Variants in ARIH1 observed in about 807,000 individuals in gnomAD.
ARIH1 encodes the protein E3 ubiquitin-protein ligase ARIH1.
A neutral mutation model predicts 85.0 loss-of-function variants in ARIH1; 8 were observed. The ratio of observed to expected loss-of-function variants is 0.09; its 90% CI spans 0.06 to 0.17. The LOEUF is 0.17. Ranked by LOEUF, ARIH1 falls within the 10% of genes least tolerant of loss-of-function variation. ARIH1 has a pLI of 1.00. For synonymous variants in ARIH1, 238 were observed against 253.6 expected (o/e 0.94, Z 0.59); for missense variants, 311 against 718.1 (o/e 0.43, Z 6.48).
intron 3 of ARIH1, among the ~76,000 whole-genome samples, chr15:72,552,720 TAGC>T (rs1422823955): frequency 6.6e-6 from 1 of 151,612 alleles, no homozygotes. Flanking sequence ...AAACTGGAAA[TAGC>T]AGTTGCTTCT....
At chr15:72,568,879 A>G (rs2064232001) in intron 9 of ARIH1, among the ~76,000 whole-genome samples, 1 of 152,204 alleles carries the variant, frequency 6.6e-6, no homozygotes, top group Non-Finnish European at 1.5e-5. Flanking sequence ...TCAATTTCAC[A>G]AAGAAGGCCA....
chr15:72,524,498 C>A (rs912713445), intron 2 of ARIH1, among the ~76,000 whole-genome samples: 4 of 152,168 alleles, frequency 2.6e-5, no homozygotes, highest in Non-Finnish European at 5.9e-5. Context: ...GCCACTGCGC[C>A]AGCCCAAGCT....
intron 2 of ARIH1, among the ~76,000 whole-genome samples, chr15:72,541,735 G>C (rs2064108346): frequency 6.6e-6 from 1 of 152,160 alleles, no homozygotes; most frequent in Non-Finnish European, 1.5e-5. Flanking sequence ...AGATCAGTGG[G>C]GAGAGTTAGA....
At position 72,591,358 on chromosome 15, in the gene ARIH1, A is replaced by G. The variant is rs1238837170; in HGVS notation, c.*8066A>G. Reference sequence around the variant, plus strand: ...TTTGGATTTCCTTCTGATAGCTAAAATTTGTTTCTGTATAACAGAGTAGTG... The same window carrying G: ...TTTGGATTTCCTTCTGATAGCTAAAGTTTGTTTCTGTATAACAGAGTAGTG... On this transcript the variant is annotated 3_prime_UTR_variant, in exon 14 of 14. Transcript: ENST00000379887. 2 of 152,070 alleles carry G rather than the reference A, an allele frequency of 1.3e-5. No homozygotes were observed. The highest frequency in any genetic ancestry group is 4.8e-5 in the African/African-American group (2 of 41,388). 9.4% of individuals were successfully genotyped at this position (152,070 alleles called of 1,614,324 possible). A position where few individuals can be genotyped will look rare whatever the true frequency, so the allele number is the denominator to read the frequency against.
chr15:72,506,358 A>AAAAAAAAAAAAG (rs1288918971), intron 1 of ARIH1, among the ~76,000 whole-genome samples: 24 of 148,604 alleles, frequency 1.6e-4, no homozygotes, highest in Non-Finnish European at 2.2e-4. Flanking sequence ...TCACAAAAAA[A>AAAAAAAAAAAAG]AAAAAAAGAA....
intron 3 of ARIH1, among the ~76,000 whole-genome samples, chr15:72,554,194 T>C (rs2064165031): frequency 6.6e-6 from 1 of 152,234 alleles, no homozygotes; most frequent in South Asian, 2.1e-4. Flanking sequence ...TACAAGTTTT[T>C]GTATGGATGT....
chr15:72,528,705 A>G (rs938676611), intron 2 of ARIH1, among the ~76,000 whole-genome samples: 2 of 152,210 alleles, frequency 1.3e-5, no homozygotes, highest in Non-Finnish European at 2.9e-5. Flanking sequence ...AAAATAAAAA[A>G]TTAGCTAGGT....
rs554200284 is a variant in ARIH1 at position 72,474,612 on chromosome 15, C to G, written c.-28C>G. On this transcript the variant is annotated 5_prime_UTR_variant, in exon 1 of 14. Transcript: ENST00000379887. ...CCCGCCCTCTCCCCGCCTCGGCCAG[C>G]GTCCGCCGGGCCCCCGCGCGTCGCG... is the stretch of plus-strand genomic sequence containing the variant. 6.7e-7 allele frequency: 1 copy of G among 1,499,912 alleles called. No homozygotes were observed. Among genetic ancestry groups the G allele is most frequent in the African/African-American group, 1.5e-5 (1 of 68,874 alleles). The allele number at this position is 1,499,912 out of a possible 1,614,324, so 92.9% of individuals were successfully genotyped here.
intron 2 of ARIH1, among the ~76,000 whole-genome samples, chr15:72,538,132 G>A (rs2064091005): frequency 6.6e-6 from 1 of 152,192 alleles, no homozygotes; most frequent in African/African-American, 2.4e-5. Flanking sequence ...GGGAGGCTGA[G>A]GTGGGCAGAT....
chr15:72,582,292 C>G lies in ARIH1; in HGVS notation c.1589+105C>G, dbSNP rs1031810469. The stretch of plus-strand genomic sequence containing the variant: ...GGGTTTAGCATATCCAGCAACTGAG[C>G]TTTTGCCATGTTTCTCACAGATTGC... On this transcript the variant is annotated intron_variant, in intron 13 of 13. Transcript: ENST00000379887. The surrounding 1 kb of genome is among the most constrained non-coding windows in gnomAD (Gnocchi z 4.6). 3.0e-5 allele frequency: 22 copies of G among 722,748 alleles called. No homozygotes were observed. The African/African-American group carries it at 3.2e-4, about 11-fold the overall frequency. 44.8% of individuals were successfully genotyped at this position (722,748 alleles called of 1,614,324 possible).
chr15:72,541,045 C>T (rs2064104927), intron 2 of ARIH1, among the ~76,000 whole-genome samples: 1 of 152,094 alleles, frequency 6.6e-6, no homozygotes, highest in African/African-American at 2.4e-5. Context: ...GGGGCCAACG[C>T]TAGTATGGAG....
intron 1 of ARIH1, among the ~76,000 whole-genome samples, chr15:72,507,733 A>G (rs573918397): frequency 2.6e-5 from 4 of 152,242 alleles, no homozygotes; most frequent in Non-Finnish European, 4.4e-5. Flanking sequence ...ATTGAGAACT[A>G]CTTGATCAAA....
At chr15:72,560,171 G>C (rs1009816054) in intron 5 of ARIH1, among the ~76,000 whole-genome samples, 1 of 152,018 alleles carries the variant, frequency 6.6e-6, no homozygotes, top group African/African-American at 2.4e-5. Context: ...TGGACACCTG[G>C]GGATCCTTTC....
intron 1 of ARIH1, among the ~76,000 whole-genome samples, chr15:72,506,409 T>A (rs2063926117): frequency 6.7e-6 from 1 of 149,348 alleles, no homozygotes; most frequent in Non-Finnish European, 1.5e-5. Flanking sequence ...TTTAAAGCAT[T>A]CATTGTATTA....
Position 72,584,336 on chromosome 15 carries a change from C to T in ARIH1, c.*1044C>T, listed in dbSNP as rs1356429785. 2 of 152,200 alleles carry T rather than the reference C, an allele frequency of 1.3e-5. No homozygotes were observed. The highest frequency in any genetic ancestry group is 2.9e-5 in the Non-Finnish European group (2 of 68,048). The allele number at this position is 152,200 out of a possible 1,614,324, so 9.4% of individuals were successfully genotyped here. On this transcript the variant is annotated 3_prime_UTR_variant, in exon 14 of 14. Transcript: ENST00000379887. ...CCCCTCCATGGCATCATGCCTCTAC[C>T]CAAGCCTTTGTGTGCCCATGTTATG...
At chr15:72,525,728 T>C (rs1198605411) in intron 2 of ARIH1, among the ~76,000 whole-genome samples, 1 of 152,108 alleles carries the variant, frequency 6.6e-6, no homozygotes, top group Admixed American at 6.6e-5. Flanking sequence ...TTCAGTTCTC[T>C]TGGAAAATGA....
intron 2 of ARIH1, among the ~76,000 whole-genome samples, chr15:72,541,866 A>C (rs1036248077): frequency 1.3e-5 from 2 of 152,222 alleles, no homozygotes; most frequent in Non-Finnish European, 2.9e-5. Flanking sequence ...AAACATAAAG[A>C]GTGATTACAG....
chr15:72,510,559 A>G lies in ARIH1; in HGVS notation c.376-7508A>G, dbSNP rs542234418. Among the ~76,000 whole-genome samples the G allele has an allele frequency of 1.3e-3, 194 of 151,778 alleles. 1 individual carries two copies. The highest frequency in any genetic ancestry group is 4.5e-3 in the African/African-American group (187 of 41,392). On this transcript the variant is annotated intron_variant, in intron 1 of 13. Coordinates refer to ENST00000379887, the MANE Select transcript of ARIH1 (RefSeq NM_005744.5). Reference sequence around the variant, plus strand: ...GGAGATCGAGACCATCCTGGCTAACATGGTGAAAGCCCATCTCTACTAAAA... The same window carrying G: ...GGAGATCGAGACCATCCTGGCTAACGTGGTGAAAGCCCATCTCTACTAAAA...
intron 2 of ARIH1, among the ~76,000 whole-genome samples, chr15:72,532,219 AAGAG>A (rs1361739485): frequency 2.6e-5 from 4 of 151,936 alleles, no homozygotes; most frequent in African/African-American, 4.8e-5. Flanking sequence ...GGTTAGGAAA[AAGAG>A]AGATCCTAAA....
Sources: allele counts gnomAD v4.1 joint callset (sites outside exome capture counted in the v4.1 genomes callset), GRCh38; gene constraint gnomAD v4.1.1; non-coding constraint Gnocchi (gnomAD v3.1); transcripts MANE v1.5; gene names NCBI Gene and HGNC (gene_info 2026-07-23, HGNC 2026-07-21).